Variants in PIEZO2 observed in about 807,000 individuals in gnomAD.
The protein encoded by PIEZO2 is piezo-type mechanosensitive ion channel component 2.
A neutral mutation model predicts 337.3 loss-of-function variants in PIEZO2; 172 were observed. The observed-to-expected ratio is 0.51, with a 90% confidence interval of 0.45 to 0.58. The LOEUF (loss-of-function observed/expected upper bound fraction) is 0.58. Ranked by LOEUF, PIEZO2 falls within the 20% of genes least tolerant of loss-of-function variation. The pLI is 0.00. For missense variants in PIEZO2, 3,028 were observed against 3,391.3 expected (o/e 0.89, Z 2.66); for synonymous variants, 1,251 against 1,228.5 (o/e 1.02, Z -0.38).
In PIEZO2 at chr18:10,726,351, T is replaced by A. The variant is rs2036538509; in HGVS notation, c.5029+5056A>T. ...AACGCCCCGCCCAGCGCTGCCTCCC[T>A]TCGCCTTCCCCGCAGGCACCCACTA... On this transcript the variant is annotated intron_variant, in intron 36 of 55. Coordinates refer to ENST00000674853, the MANE Select transcript of PIEZO2 (RefSeq NM_001378183.1). The surrounding 1 kb of genome is among the most constrained non-coding windows in gnomAD (Gnocchi z 5.9). The A allele has an allele frequency of 6.7e-7, 1 of 1,503,338 alleles. No homozygotes were observed. The highest frequency in any genetic ancestry group is 8.8e-7 in the Non-Finnish European group (1 of 1,130,822). 93.1% of individuals were successfully genotyped at this position (1,503,338 alleles called of 1,614,324 possible). A position where few individuals can be genotyped will look rare whatever the true frequency, so the allele number is the denominator to read the frequency against.
rs1442936236 is a variant in PIEZO2, at chr18:10,877,857, C to T, written c.330-6442G>A. On this transcript the variant is annotated intron_variant, in intron 4 of 55. Transcript: ENST00000674853. This position sits in a 1 kb window ranked among gnomAD's most constrained non-coding sequence, Gnocchi z 5.3. ...GCCCTCCACATCCCAGATCTGGTTT[C>T]CCTTATCTCTTGCCATCATTTCCCT... Among the ~76,000 whole-genome samples the T allele has an allele frequency of 1.3e-5, 2 of 152,126 alleles. No individual in the cohort carries two copies. Among genetic ancestry groups the T allele is most frequent in the Non-Finnish European group, 2.9e-5 (2 of 68,018 alleles).
chr18:11,030,287 T>C (rs967576672), intron 2 of PIEZO2, among the ~76,000 whole-genome samples: 4 of 152,230 alleles, frequency 2.6e-5, no homozygotes, highest in Admixed American at 6.5e-5. Flanking sequence ...TTATAAGATG[T>C]TTTGTAATTT....
chr18:11,066,271 G>A (rs1242257265), intron 1 of PIEZO2, 49 bp from the exon 2 acceptor site: 9 of 1,454,538 alleles, frequency 6.2e-6, no homozygotes, highest in Non-Finnish European at 8.4e-6. Flanking sequence ...AACAAAGGCA[G>A]GTTGACAAAA....
At chr18:10,782,365 A>AT (rs2039041376) in intron 17 of PIEZO2, among the ~76,000 whole-genome samples, 1 of 36,892 alleles carries the variant, frequency 2.7e-5, no homozygotes, top group African/African-American at 1.5e-4. Flanking sequence ...AATTATATAT[A>AT]AATAATTATA....
chr18:10,724,826 A>C lies in PIEZO2; in HGVS notation c.5030-6567T>G, dbSNP rs1598403103. On this transcript the variant is annotated intron_variant, in intron 36 of 55. Transcript: ENST00000674853. This position sits in a 1 kb window ranked among gnomAD's most constrained non-coding sequence, Gnocchi z 5.8. The stretch of plus-strand genomic sequence containing the variant: ...GAGCAGCAGTCGTTCTCACAGATGC[A>C]CCTGGGCCACGGCGGCCACATGCGT... 1.3e-6 allele frequency: 2 copies of C among 1,596,444 alleles called. No homozygotes were observed. Among genetic ancestry groups the C allele is most frequent in the Non-Finnish European group, 1.7e-6 (2 of 1,170,434 alleles).
intron 3 of PIEZO2, among the ~76,000 whole-genome samples, chr18:10,934,791 G>T (rs1042642674): frequency 1.3e-5 from 2 of 151,988 alleles, no homozygotes; most frequent in African/African-American, 4.8e-5. Flanking sequence ...TGACCCAGCA[G>T]GATAATTTCA....
chr18:10,817,732 G>T (rs2144426268), intron 7 of PIEZO2, among the ~76,000 whole-genome samples: 1 of 152,088 alleles, frequency 6.6e-6, no homozygotes, highest in Middle Eastern at 3.4e-3. Flanking sequence ...GACCATCCTG[G>T]CTAACACAGT....
intron 1 of PIEZO2, among the ~76,000 whole-genome samples, chr18:11,093,525 A>G (rs1185138616): frequency 6.8e-6 from 1 of 146,744 alleles, no homozygotes; most frequent in Non-Finnish European, 1.5e-5. Flanking sequence ...ACAAATTTTG[A>G]CGTGTCGAAA....
chr18:10,763,122 G>A (rs1284003737), intron 21 of PIEZO2, 24 bp from the exon 22 acceptor site: 1 of 1,532,732 alleles, frequency 6.5e-7, no homozygotes, highest in African/African-American at 1.4e-5. Context: ...ACCAGAAATG[G>A]GGACAAAAAT....
At chr18:10,688,642 A>G (rs893585994) in intron 49 of PIEZO2, among the ~76,000 whole-genome samples, 1 of 152,196 alleles carries the variant, frequency 6.6e-6, no homozygotes, top group Middle Eastern at 3.2e-3. Context: ...CTCACAAATT[A>G]ATTTCAATTT....
chr18:10,720,940 A>T (rs149850571), intron 36 of PIEZO2, among the ~76,000 whole-genome samples: 1 of 152,274 alleles, frequency 6.6e-6, no homozygotes, highest in Non-Finnish European at 1.5e-5. Flanking sequence ...GGCTGTGTAC[A>T]AATACTCCCT....
At chr18:10,712,569 A>G (rs970367682) in intron 39 of PIEZO2, among the ~76,000 whole-genome samples, 1 of 152,244 alleles carries the variant, frequency 6.6e-6, no homozygotes, top group African/African-American at 2.4e-5. Flanking sequence ...GGAATCTGTC[A>G]AAGAAGAAGA....
At chr18:10,806,983 A>G in intron 8 of PIEZO2, 129 bp downstream of exon 8, 1 of 964,004 alleles carries the variant, frequency 1.0e-6, no homozygotes, top group Non-Finnish European at 1.5e-6. Flanking sequence ...TTAAAACATC[A>G]TACCCAGAAC....
rs531910060 is a variant in PIEZO2 at position 10,926,707 on chromosome 18, G to A, written c.287-15479C>T. 1.2e-4 allele frequency among the ~76,000 whole-genome samples: 18 copies of A among 152,264 alleles called. No individual in the cohort carries two copies. In the South Asian group the frequency reaches 3.7e-3, roughly 32 times the overall value. On this transcript the variant is annotated intron_variant, in intron 3 of 55. Transcript: ENST00000674853. Reference sequence around the variant, plus strand: ...TGTCCGGGCCATTTTCTGCACACTTGGCAAAATACCCCGTCCTCTTGGTAG... The same window carrying A: ...TGTCCGGGCCATTTTCTGCACACTTAGCAAAATACCCCGTCCTCTTGGTAG...
rs2038761222 is a variant in PIEZO2 at position 10,775,764 on chromosome 18, T to C, written c.2535-1726A>G. On this transcript the variant is annotated intron_variant, in intron 18 of 55. Transcript: ENST00000674853. The surrounding 1 kb of genome is among the most constrained non-coding windows in gnomAD (Gnocchi z 4.3). ...GAAGTAGGTCCACAAGGCTGATTTC[T>C]AGAAACTTGTAATGGGACAAGATGC... 6.6e-6 allele frequency among the ~76,000 whole-genome samples: 1 copy of C among 152,106 alleles called. No homozygotes were observed. The highest frequency in any genetic ancestry group is 2.4e-5 in the African/African-American group (1 of 41,416).
intron 4 of PIEZO2, among the ~76,000 whole-genome samples, chr18:10,889,825 C>T (rs1252707493): frequency 6.6e-6 from 1 of 152,220 alleles, no homozygotes; most frequent in African/African-American, 2.4e-5. Context: ...CTGCCAGATG[C>T]TTGGCTGCCA....
At chr18:11,014,943 C>T (rs1194588483) in intron 2 of PIEZO2, among the ~76,000 whole-genome samples, 14 of 140,196 alleles carry the variant, frequency 1.0e-4, no homozygotes, top group Non-Finnish European at 2.0e-4. Flanking sequence ...CCCCTCATTC[C>T]TCAGCGGGGA....
Position 10,795,748 on chromosome 18 carries a change from T to C in PIEZO2, c.1528-746A>G, listed in dbSNP as rs918431958. Among the ~76,000 whole-genome samples, 2 of 152,148 alleles carry C rather than the reference T, an allele frequency of 1.3e-5. No individual in the cohort carries two copies. Among genetic ancestry groups the C allele is most frequent in the African/African-American group, 4.8e-5 (2 of 41,432 alleles). ...AGTGCCTGGGGAAACCGTGCCTAGG[T>C]TCTGTGTCCCTTGAGTTAAAGAATA... On this transcript the variant is annotated intron_variant, in intron 12 of 55. Transcript: ENST00000674853. This position sits in a 1 kb window ranked among gnomAD's most constrained non-coding sequence, Gnocchi z 4.4.
intron 1 of PIEZO2, among the ~76,000 whole-genome samples, chr18:11,140,507 A>G (rs2040612507): frequency 6.6e-6 from 1 of 152,234 alleles, no homozygotes; most frequent in African/African-American, 2.4e-5. Flanking sequence ...GTCTAAATTG[A>G]GAAAATCATG....
Sources: allele counts gnomAD v4.1 joint callset (sites outside exome capture counted in the v4.1 genomes callset), GRCh38; gene constraint gnomAD v4.1.1; non-coding constraint Gnocchi (gnomAD v3.1); transcripts MANE v1.5; gene names NCBI Gene and HGNC (gene_info 2026-07-23, HGNC 2026-07-21).